Variants in TRIQK observed in about 807,000 individuals in gnomAD.
The protein encoded by TRIQK is triple QxxK/R motif-containing protein.
Under a neutral mutation model 10.8 loss-of-function variants are expected in TRIQK, and 10 were observed. The ratio of observed to expected loss-of-function variants is 0.92; its 90% CI spans 0.57 to 1.57. The LOEUF (loss-of-function observed/expected upper bound fraction) is 1.57. Among genes scored for constraint, TRIQK ranks in the 40% most tolerant of loss-of-function variants. The pLI is 0.00. For synonymous variants in TRIQK, 33 were observed against 33.7 expected (o/e 0.98, Z 0.07); for missense variants, 107 against 97.7 (o/e 1.09, Z -0.40).
intron 2 of TRIQK, chr8:92,926,327 T>A (rs563887035): frequency 1.3e-5 from 2 of 152,154 alleles, no homozygotes; most frequent in East Asian, 1.9e-4. Flanking sequence ...CCCTTGAAAA[T>A]ACTTGAAAAA....
At chr8:92,954,998 TTAAGTA>T (rs1287659781) in intron 1 of TRIQK, among the ~76,000 whole-genome samples, 1 of 151,912 alleles carries the variant, frequency 6.6e-6, no homozygotes, top group African/African-American at 2.4e-5. Context: ...TCGTAAATGT[TTAAGTA>T]TATGTTACTT....
At chr8:92,995,807 A>G (rs1162784978) in intron 1 of TRIQK, among the ~76,000 whole-genome samples, 1 of 152,222 alleles carries the variant, frequency 6.6e-6, no homozygotes, top group Admixed American at 6.5e-5. Flanking sequence ...CACAGGGGCC[A>G]TCTGTTCTAA....
At chr8:92,895,636 T>C (rs1808554374) in intron 3 of TRIQK, among the ~76,000 whole-genome samples, 1 of 152,162 alleles carries the variant, frequency 6.6e-6, no homozygotes. Flanking sequence ...GGGAGACATC[T>C]TATTGGGACC....
At chr8:92,954,209 A>T (rs779932614) in intron 2 of TRIQK, 197 bp downstream of exon 2, 4 of 151,882 alleles carry the variant, frequency 2.6e-5, no homozygotes, top group Non-Finnish European at 5.9e-5. Context: ...ATTTATTTGG[A>T]TTTGCTGAAA....
At position 92,988,874 on chromosome 8, in the gene TRIQK, G is replaced by A. The variant is rs141532544; in HGVS notation, c.-181+28735C>T. Among the ~76,000 whole-genome samples the A allele has an allele frequency of 3.9e-3, 597 of 152,164 alleles. 5 individuals carry two copies. The highest frequency in any genetic ancestry group is 0.013 in the African/African-American group (543 of 41,502). Reference sequence around the variant, plus strand: ...ATATTGAACTGCATATCATAAAAATGTTCACCCCTTCCTTCCTTTTTGTTG... The same window carrying A: ...ATATTGAACTGCATATCATAAAAATATTCACCCCTTCCTTCCTTTTTGTTG... On this transcript the variant is annotated intron_variant, in intron 1 of 4. Coordinates refer to the TRIQK transcript ENST00000520686.
chr8:92,934,736 T>A (rs891885693), intron 2 of TRIQK, among the ~76,000 whole-genome samples: 1 of 151,950 alleles, frequency 6.6e-6, no homozygotes, highest in African/African-American at 2.4e-5. Flanking sequence ...GATTGTGGTA[T>A]TATAACATGT....
At chr8:92,920,974 C>T (rs1473119798) in intron 2 of TRIQK, among the ~76,000 whole-genome samples, 2 of 151,476 alleles carry the variant, frequency 1.3e-5, no homozygotes, top group African/African-American at 2.4e-5. Flanking sequence ...GACAAAAAGA[C>T]CATAAACTGA....
chr8:92,891,914 A>G, intron 4 of TRIQK, 75 bp downstream of exon 4: 1 of 1,037,818 alleles, frequency 9.6e-7, no homozygotes, highest in Non-Finnish European at 1.4e-6. Context: ...AGAATTCAAC[A>G]TTTATGCAAT....
intron 1 of TRIQK, 102 bp from the exon 2 acceptor site, chr8:92,954,666 T>C (rs961571548): frequency 6.6e-6 from 1 of 151,914 alleles, no homozygotes; most frequent in Non-Finnish European, 1.5e-5. Flanking sequence ...CCAAAAGGTG[T>C]TTCTTGGTTT....
intron 3 of TRIQK, among the ~76,000 whole-genome samples, chr8:92,903,561 T>A (rs1017492990): frequency 6.6e-6 from 1 of 152,098 alleles, no homozygotes; most frequent in Non-Finnish European, 1.5e-5. Context: ...ACATTTTATA[T>A]TAATAATAAA....
In TRIQK at chr8:92,884,507, A is replaced by G. The variant is rs557588266; in HGVS notation, c.*2115T>C. On this transcript the variant is annotated 3_prime_UTR_variant, in exon 5 of 5. Transcript: ENST00000521988. The stretch of plus-strand genomic sequence containing the variant: ...GCTGTAGACTCAGGATATCAATAAA[A>G]CTAGGCAGTGAAATTTGCCTATAAT... The G allele has an allele frequency of 2.5e-5, 7 of 280,692 alleles. No individual in the cohort carries two copies. In the South Asian group the frequency reaches 2.5e-4, roughly 10 times the overall value. 17.4% of individuals were successfully genotyped at this position (280,692 alleles called of 1,614,324 possible). A position where few individuals can be genotyped will look rare whatever the true frequency, so the allele number is the denominator to read the frequency against.
chr8:92,918,326 T>G (rs1009570715), intron 2 of TRIQK, among the ~76,000 whole-genome samples: 1 of 152,040 alleles, frequency 6.6e-6, no homozygotes, highest in Admixed American at 6.6e-5. Context: ...TGTACCAATT[T>G]ACATTTTCAC....
At chr8:92,969,480 A>G (rs1472407617), upstream of TRIQK, among the ~76,000 whole-genome samples, 23 of 151,426 alleles carry the variant, frequency 1.5e-4, 1 homozygote, top group Admixed American at 1.5e-3. Flanking sequence ...GTGTATTTGG[A>G]AAAAAAATGT....
In TRIQK at chr8:93,013,137, T is replaced by C. The variant is rs143528289; in HGVS notation, c.-181+4472A>G. Among the ~76,000 whole-genome samples the C allele has an allele frequency of 2.4e-3, 364 of 152,250 alleles. 2 individuals are homozygous for C. Among genetic ancestry groups the C allele is most frequent in the African/African-American group, 8.3e-3 (343 of 41,556 alleles). ...TTCTAAGACTACCACTATGAAAACT[T>C]TGGGTCGCTCAATGGTGATTAGACG... On this transcript the variant is annotated intron_variant, in intron 1 of 4. Transcript: ENST00000520686.
chr8:92,910,050 G>T (rs1809491590), intron 3 of TRIQK, among the ~76,000 whole-genome samples: 2 of 151,316 alleles, frequency 1.3e-5, no homozygotes, highest in Admixed American at 6.6e-5. Flanking sequence ...TAAACAAAGG[G>T]TATATAAAAT....
At chr8:92,994,217 T>C (rs2130752049) in intron 1 of TRIQK, among the ~76,000 whole-genome samples, 1 of 152,306 alleles carries the variant, frequency 6.6e-6, no homozygotes, top group East Asian at 1.9e-4. Context: ...TCATAAATTA[T>C]GCCTTTTACT....
intron 2 of TRIQK, among the ~76,000 whole-genome samples, chr8:92,920,092 T>C (rs542250872): frequency 1.4e-4 from 21 of 151,634 alleles, no homozygotes; most frequent in Non-Finnish European, 2.4e-4. Flanking sequence ...GTTTTGTTGA[T>C]TTTTTTTGTA....
intron 1 of TRIQK, among the ~76,000 whole-genome samples, chr8:92,985,049 C>T (rs1014409652): frequency 3.9e-5 from 6 of 152,094 alleles, no homozygotes; most frequent in African/African-American, 1.4e-4. Flanking sequence ...AACTTATTGT[C>T]CTAATTATTT....
chr8:92,969,504 A>G (rs169425), upstream of TRIQK, among the ~76,000 whole-genome samples: 151,626 of 151,628 alleles, frequency 1, 75,812 homozygotes, highest in Middle Eastern at 1. Flanking sequence ...TTCTGAAATT[A>G]TGGAATGCAG....
Sources: allele counts gnomAD v4.1 joint callset (sites outside exome capture counted in the v4.1 genomes callset), GRCh38; gene constraint gnomAD v4.1.1; transcripts MANE v1.5; gene names NCBI Gene and HGNC (gene_info 2026-07-23, HGNC 2026-07-21).